The following ADAMTS3 variants were observed in gnomAD, a reference collection of about 807,000 sequenced individuals.
ADAMTS3 encodes the protein A disintegrin and metalloproteinase with thrombospondin motifs 3.
In ADAMTS3, 73 loss-of-function variants were observed where a neutral mutation model predicts 129.0. That is an observed-to-expected ratio of 0.57 (90% CI 0.47 to 0.69). ADAMTS3 has a LOEUF of 0.69. Ranked by LOEUF, ADAMTS3 falls within the 30% of genes least tolerant of loss-of-function variation. ADAMTS3 has a pLI of 0.00. For synonymous variants in ADAMTS3, 477 were observed against 510.8 expected (o/e 0.93, Z 0.89); for missense variants, 1,457 against 1,514.5 (o/e 0.96, Z 0.63).
rs924004926 is a variant in ADAMTS3 at position 72,434,107 on chromosome 4, G to C, written c.505-19136C>G. 2.0e-5 allele frequency among the ~76,000 whole-genome samples: 3 copies of C among 151,702 alleles called. No homozygotes were observed. The East Asian group carries it at 5.9e-4, about 30-fold the overall frequency. ...TTCTTTAGATGGCCACATGAGAACA[G>C]AGTAAACAGATCAGTGCTGATCTGC... is the stretch of plus-strand genomic sequence containing the variant. On this transcript the variant is annotated intron_variant, in intron 3 of 21. Coordinates refer to ENST00000286657, the MANE Select transcript of ADAMTS3 (RefSeq NM_014243.3).
chr4:72,429,287 G>T lies in ADAMTS3; in HGVS notation c.505-14316C>A, dbSNP rs72852066. On this transcript the variant is annotated intron_variant, in intron 3 of 21. Coordinates refer to ENST00000286657, the MANE Select transcript of ADAMTS3 (RefSeq NM_014243.3). ...TAATCGAAATACATAATAGTCATCT[G>T]CTAAAGATATAGTAAGTCCTATATA... is the stretch of plus-strand genomic sequence containing the variant. Among the ~76,000 whole-genome samples, 816 of 152,142 alleles carry T rather than the reference G, an allele frequency of 5.4e-3. 11 individuals are homozygous for T. The highest frequency in any genetic ancestry group is 0.019 in the African/African-American group (778 of 41,538).
chr4:72,545,541 T>C (rs867362521), intron 3 of ADAMTS3, among the ~76,000 whole-genome samples: 13 of 152,176 alleles, frequency 8.5e-5, no homozygotes, highest in Non-Finnish European at 1.6e-4. Flanking sequence ...TCCTACTCCC[T>C]GGAAATTAAA....
chr4:72,407,220 C>A (rs906344047), intron 4 of ADAMTS3, among the ~76,000 whole-genome samples: 1 of 151,938 alleles, frequency 6.6e-6, no homozygotes, highest in Non-Finnish European at 1.5e-5. Context: ...TTCATATATT[C>A]CCATACTGGC....
chr4:72,371,566 A>T (rs1721009291), intron 4 of ADAMTS3, among the ~76,000 whole-genome samples: 2 of 151,896 alleles, frequency 1.3e-5, no homozygotes, highest in African/African-American at 4.8e-5. Flanking sequence ...TTATAAGATT[A>T]AAAAACTCAA....
intron 21 of ADAMTS3, among the ~76,000 whole-genome samples, chr4:72,287,393 A>C (rs1189271542): frequency 6.6e-6 from 1 of 151,286 alleles, no homozygotes; most frequent in Admixed American, 6.6e-5. Flanking sequence ...AGACATACCA[A>C]GTTGGAGAGG....
chr4:72,482,481 C>G (rs1719465449), intron 3 of ADAMTS3, among the ~76,000 whole-genome samples: 1 of 151,650 alleles, frequency 6.6e-6, no homozygotes, highest in Non-Finnish European at 1.5e-5. Flanking sequence ...AAATGAAGAA[C>G]AGATTCACAG....
intron 4 of ADAMTS3, among the ~76,000 whole-genome samples, chr4:72,372,633 T>C (rs1721037793): frequency 6.6e-6 from 1 of 151,952 alleles, no homozygotes; most frequent in African/African-American, 2.4e-5. Context: ...GCAAGAAAGA[T>C]GGGTATAAAG....
At chr4:72,435,104 A>G (rs566907625) in intron 3 of ADAMTS3, among the ~76,000 whole-genome samples, 1 of 151,976 alleles carries the variant, frequency 6.6e-6, no homozygotes, top group South Asian at 2.1e-4. Flanking sequence ...GTTTCTAACC[A>G]TTTTAACCGG....
intron 4 of ADAMTS3, among the ~76,000 whole-genome samples, chr4:72,409,879 T>G (rs77993442): frequency 7.2e-5 from 11 of 152,310 alleles, no homozygotes; most frequent in Non-Finnish European, 1.6e-4. Flanking sequence ...TATTTCCACA[T>G]GAATTCAATA....
intron 5 of ADAMTS3, 41 bp downstream of exon 5, chr4:72,339,453 A>G: frequency 6.3e-7 from 1 of 1,596,966 alleles, no homozygotes; most frequent in Non-Finnish European, 8.6e-7. Context: ...AGAGAAGTGA[A>G]TTAAAAGATC....
intron 3 of ADAMTS3, among the ~76,000 whole-genome samples, chr4:72,455,647 A>C (rs2109975324): frequency 6.7e-6 from 1 of 148,624 alleles, no homozygotes; most frequent in Middle Eastern, 3.5e-3. Context: ...AAAGAAAGAA[A>C]TATGTTGGAC....
chr4:72,524,083 AC>A (rs1659807624), intron 3 of ADAMTS3, among the ~76,000 whole-genome samples: 1 of 152,156 alleles, frequency 6.6e-6, no homozygotes, highest in Admixed American at 6.6e-5. Context: ...TAGCTCATAT[AC>A]TTGAAAAGAT....
At chr4:72,376,172 C>T (rs1479697335) in intron 4 of ADAMTS3, among the ~76,000 whole-genome samples, 3 of 152,082 alleles carry the variant, frequency 2.0e-5, no homozygotes, top group African/African-American at 7.2e-5. Context: ...TGTGTTTGGT[C>T]TGCTATAATG....
Position 72,313,689 on chromosome 4 carries a change from C to T in ADAMTS3, c.1733G>A (p.Cys578Tyr). Residue 578 changes from cysteine to tyrosine, a missense_variant, in exon 12 of 22, where the codon TGC becomes TAC. Coordinates refer to ENST00000286657, the MANE Select transcript of ADAMTS3 (RefSeq NM_014243.3). Reference sequence around the variant, plus strand: ...AGGATATACTCACATGGGATTATTGCACTGGCGTGTTCTGAAACGAACACC... The same window carrying T: ...AGGATATACTCACATGGGATTATTGTACTGGCGTGTTCTGAAACGAACACC... ...GTGVRFRTRQ[C>Y]NNPMPINGGQ... The T allele has an allele frequency of 6.2e-7, 1 of 1,613,570 alleles. No individual in the cohort carries two copies. Among genetic ancestry groups the T allele is most frequent in the Middle Eastern group, 1.7e-4 (1 of 6,054 alleles).
At chr4:72,382,882 G>T (rs1173185334) in intron 4 of ADAMTS3, among the ~76,000 whole-genome samples, 1 of 152,070 alleles carries the variant, frequency 6.6e-6, no homozygotes, top group Non-Finnish European at 1.5e-5. Context: ...AAGTGGGGAG[G>T]GTAGGAGGAA....
At chr4:72,337,908 G>C (rs960342641) in intron 5 of ADAMTS3, among the ~76,000 whole-genome samples, 1 of 151,910 alleles carries the variant, frequency 6.6e-6, no homozygotes, top group South Asian at 2.1e-4. Context: ...CTTCTTATTA[G>C]GCACATTTGC....
At chr4:72,459,791 G>A (rs1017221610) in intron 3 of ADAMTS3, among the ~76,000 whole-genome samples, 5 of 151,396 alleles carry the variant, frequency 3.3e-5, no homozygotes, top group Admixed American at 6.6e-5. Flanking sequence ...GGATTTTTTC[G>A]GATTTTGGAA....
Position 72,549,986 on chromosome 4 carries a change from GAA to G in ADAMTS3, c.98-1104_98-1103del, listed in dbSNP as rs1560563833. On this transcript the variant is annotated intron_variant, in intron 2 of 21. Coordinates refer to ENST00000286657, the MANE Select transcript of ADAMTS3 (RefSeq NM_014243.3). Reference sequence around the variant, plus strand: ...AAAAGAAGAAGAAGAAGAAGAAGAAGAAGAAGAGGAAGAGGAAGAAGAAGAAG... The same window carrying G: ...AAAAGAAGAAGAAGAAGAAGAAGAAGGAAGAGGAAGAGGAAGAAGAAGAAG... 8.7e-3 allele frequency among the ~76,000 whole-genome samples: 191 copies of G among 22,066 alleles called. 18 individuals are homozygous for G. Among genetic ancestry groups the G allele is most frequent in the Middle Eastern group, 0.065 (3 of 46 alleles). The allele number at this position is 22,066 out of a possible 152,430, so 14.5% of individuals were successfully genotyped here.
At chr4:72,315,546 T>C (rs868247009) in intron 11 of ADAMTS3, among the ~76,000 whole-genome samples, 4 of 152,150 alleles carry the variant, frequency 2.6e-5, no homozygotes, top group Non-Finnish European at 5.9e-5. Context: ...GATTCTCCAC[T>C]ACAGCCTTTG....
Sources: gnomAD v4.1 joint callset for allele counts (sites outside exome capture counted in the v4.1 genomes callset) on GRCh38, gnomAD v4.1.1 for gene constraint, MANE v1.5 for transcripts, NCBI Gene and HGNC (gene_info 2026-07-23, HGNC 2026-07-21) for gene names.